Variants in CEP112 observed in about 807,000 individuals in gnomAD.
CEP112 encodes the protein centrosomal protein of 112 kDa.
In CEP112, 127 loss-of-function variants were observed where a neutral mutation model predicts 153.0. That is an observed-to-expected ratio of 0.83 (90% CI 0.72 to 0.96). The LOEUF (loss-of-function observed/expected upper bound fraction) is 0.96, where lower values mean the gene tolerates loss of function less well. Ranked by LOEUF, CEP112 falls within the 40% of genes least tolerant of loss-of-function variation. CEP112 has a pLI of 0.00. For missense variants in CEP112, 1,089 were observed against 1,101.2 expected, an observed-to-expected ratio of 0.99 and a Z score of 0.16; for synonymous variants, 358 against 374.4, an observed-to-expected ratio of 0.96 and a Z score of 0.51.
At chr17:65,932,101 T>C (rs2061145850) in intron 18 of CEP112, among the ~76,000 whole-genome samples, 1 of 152,158 alleles carries the variant, frequency 6.6e-6, no homozygotes, top group Admixed American at 6.5e-5. Flanking sequence ...GCCTAGCCAA[T>C]GGTCTCACTG....
chr17:66,031,746 G>A (rs2065496795), intron 12 of CEP112, among the ~76,000 whole-genome samples: 1 of 152,082 alleles, frequency 6.6e-6, no homozygotes, highest in South Asian at 2.1e-4. Flanking sequence ...ACAGGCGTGT[G>A]CCACCATGGC....
intron 23 of CEP112, among the ~76,000 whole-genome samples, chr17:65,692,565 G>C (rs997945160): frequency 6.6e-6 from 1 of 151,988 alleles, no homozygotes; most frequent in African/African-American, 2.4e-5. Context: ...ACTTCAAATT[G>C]AATATGTTTG....
intron 12 of CEP112, among the ~76,000 whole-genome samples, chr17:66,033,940 G>T (rs996081493): frequency 6.6e-6 from 1 of 152,122 alleles, no homozygotes; most frequent in Admixed American, 6.6e-5. Context: ...TTTATATGCA[G>T]ATTTTTTTTT....
At chr17:65,994,382 T>C (rs1313308258) in intron 17 of CEP112, among the ~76,000 whole-genome samples, 1 of 152,158 alleles carries the variant, frequency 6.6e-6, no homozygotes. Flanking sequence ...AGCTGGAGTA[T>C]GGTGGCGTGG....
intron 18 of CEP112, among the ~76,000 whole-genome samples, chr17:65,939,309 A>ACATCTGTTAAAATG (rs1355161944): frequency 1.3e-5 from 2 of 152,162 alleles, no homozygotes; most frequent in Non-Finnish European, 2.9e-5. Flanking sequence ...TGCCCATACT[A>ACATCTGTTAAAATG]CCCAAAGCAA....
chr17:66,052,881 C>T (rs1484227565), intron 12 of CEP112, among the ~76,000 whole-genome samples: 1 of 151,868 alleles, frequency 6.6e-6, no homozygotes, highest in Admixed American at 6.5e-5. Context: ...CCAACGCGGG[C>T]AGATCGCTTG....
chr17:66,029,346 T>C (rs1293041438), intron 13 of CEP112, 94 bp from the exon 14 acceptor site: 4 of 1,032,452 alleles, frequency 3.9e-6, no homozygotes, highest in Non-Finnish European at 5.6e-6. Context: ...TACATTTCCA[T>C]TCAATATATT....
chr17:65,873,049 C>G (rs1435951539), intron 20 of CEP112: 1 of 152,160 alleles, frequency 6.6e-6, no homozygotes, highest in African/African-American at 2.4e-5. Flanking sequence ...TCCAGAAACT[C>G]CTTTCATCCT....
At chr17:66,000,815 G>A (rs765115328) in intron 17 of CEP112, among the ~76,000 whole-genome samples, 2 of 152,210 alleles carry the variant, frequency 1.3e-5, no homozygotes, top group Non-Finnish European at 2.9e-5. Context: ...CATCGTTGAT[G>A]TTCTTTAATA....
At chr17:65,971,157 T>C (rs2062759609) in intron 17 of CEP112, among the ~76,000 whole-genome samples, 1 of 150,540 alleles carries the variant, frequency 6.6e-6, no homozygotes. Flanking sequence ...ATGATACATG[T>C]ACATTACATG....
At chr17:65,680,232 A>G (rs962617104) in intron 24 of CEP112, among the ~76,000 whole-genome samples, 8 of 152,206 alleles carry the variant, frequency 5.3e-5, no homozygotes, top group Non-Finnish European at 1.0e-4. Flanking sequence ...AGAAGCCATG[A>G]ATGATCCTAC....
At chr17:65,877,872 T>G (rs2146562755) in intron 20 of CEP112, among the ~76,000 whole-genome samples, 1 of 152,320 alleles carries the variant, frequency 6.6e-6, no homozygotes, top group East Asian at 1.9e-4. Flanking sequence ...ACCCTTAAAT[T>G]TCTTCATATT....
At chr17:66,099,144 G>C (rs1321295409) in intron 6 of CEP112, among the ~76,000 whole-genome samples, 1 of 152,102 alleles carries the variant, frequency 6.6e-6, no homozygotes, top group African/African-American at 2.4e-5. Flanking sequence ...TCATGATAAA[G>C]GGAGATAAAA....
intron 21 of CEP112, among the ~76,000 whole-genome samples, chr17:65,775,379 G>A (rs2053617998): frequency 6.6e-6 from 1 of 152,126 alleles, no homozygotes; most frequent in African/African-American, 2.4e-5. Context: ...GGGGGTTGAG[G>A]AAGTAGAGAC....
intron 18 of CEP112, among the ~76,000 whole-genome samples, chr17:65,936,842 T>C (rs371328291): frequency 7.1e-5 from 7 of 98,450 alleles, no homozygotes; most frequent in African/African-American, 2.4e-4. Context: ...TCCCTCTCTT[T>C]CCACGGTCTC....
At chr17:66,006,563 A>G (rs1598085996) in intron 16 of CEP112, among the ~76,000 whole-genome samples, 1 of 151,118 alleles carries the variant, frequency 6.6e-6, no homozygotes, top group South Asian at 2.1e-4. Context: ...CCAAGATCGC[A>G]CCCCTGCACT....
At chr17:66,181,617 A>G (rs2072724690) in intron 2 of CEP112, among the ~76,000 whole-genome samples, 1 of 152,128 alleles carries the variant, frequency 6.6e-6, no homozygotes, top group African/African-American at 2.4e-5. Context: ...AGCCTCCCAA[A>G]GTACTCGGAT....
At chr17:65,844,223 A>T (rs1460521955) in intron 21 of CEP112, among the ~76,000 whole-genome samples, 1 of 152,256 alleles carries the variant, frequency 6.6e-6, no homozygotes, top group Non-Finnish European at 1.5e-5. Flanking sequence ...AAATCTACAG[A>T]CTAAGTAGAT....
At chr17:66,029,503 C>A (rs1376427577) in intron 13 of CEP112, among the ~76,000 whole-genome samples, 1 of 151,976 alleles carries the variant, frequency 6.6e-6, no homozygotes, top group Non-Finnish European at 1.5e-5. Context: ...TTGAGACCAG[C>A]CTGGGCAACA....
Sources: gnomAD v4.1 joint callset for allele counts (sites outside exome capture counted in the v4.1 genomes callset) on GRCh38, gnomAD v4.1.1 for gene constraint, MANE v1.5 for transcripts, NCBI Gene and HGNC (gene_info 2026-07-23, HGNC 2026-07-21) for gene names.